Variants in AOPEP observed in about 807,000 individuals in gnomAD.
AOPEP encodes the protein aminopeptidase O (putative).
AOPEP carries 77 observed loss-of-function variants against 98.1 expected under a neutral mutation model. That is an observed-to-expected ratio of 0.78 (90% confidence interval 0.65 to 0.95). The LOEUF is 0.95. AOPEP is among the 40% of genes least tolerant of loss of function. The pLI, the probability that AOPEP is intolerant of heterozygous loss-of-function variation, is 0.00. For missense variants in AOPEP, 1,024 were observed against 1,024.7 expected (o/e 1.00, Z 0.01); for synonymous variants, 346 against 365.3 (o/e 0.95, Z 0.60).
chr9:94,992,071 C>A (rs1321019623), intron 11 of AOPEP, among the ~76,000 whole-genome samples: 1 of 152,240 alleles, frequency 6.6e-6, no homozygotes, highest in African/African-American at 2.4e-5. Context: ...TTCACAAGCA[C>A]ACTTCCAACC....
Position 95,086,836 on chromosome 9 carries a change from G to A in AOPEP, c.*159G>A, listed in dbSNP as rs981552879. The A allele has an allele frequency of 1.0e-6, 1 of 988,020 alleles. No homozygotes were observed. Among genetic ancestry groups the A allele is most frequent in the Non-Finnish European group, 1.2e-6 (1 of 830,150 alleles). The allele number at this position is 988,020 out of a possible 1,614,324, so 61.2% of individuals were successfully genotyped here. A position where few individuals can be genotyped will look rare whatever the true frequency, so the allele number is the denominator to read the frequency against. ...TTGGTGCTTCTCTTTCCCAGAGGCT[G>A]GTCCCAGCCAGGCACACACAAAAGG... On this transcript the variant is annotated 3_prime_UTR_variant, in exon 17 of 17. Transcript: ENST00000375315.
chr9:94,905,890 G>T (rs2051071936), intron 5 of AOPEP, among the ~76,000 whole-genome samples: 1 of 152,162 alleles, frequency 6.6e-6, no homozygotes, highest in African/African-American at 2.4e-5. Context: ...GAAGGGGCTG[G>T]GGGGAGGGGG....
At chr9:94,766,003 G>A (rs1246067105) in intron 2 of AOPEP, among the ~76,000 whole-genome samples, 1 of 152,076 alleles carries the variant, frequency 6.6e-6, no homozygotes, top group Non-Finnish European at 1.5e-5. Flanking sequence ...GTGGTACGCG[G>A]GTCTGTGTGC....
the AOPEP span, among the ~76,000 whole-genome samples, chr9:95,116,367 A>C: frequency 6.6e-6 from 1 of 152,236 alleles, no homozygotes; most frequent in African/African-American, 2.4e-5. Flanking sequence ...AGCATCTGAG[A>C]AGACAGTGTT....
intron 13 of AOPEP, among the ~76,000 whole-genome samples, chr9:95,025,792 T>A (rs2063791262): frequency 6.6e-6 from 1 of 152,200 alleles, no homozygotes; most frequent in Non-Finnish European, 1.5e-5. Flanking sequence ...TTAGCCTAGG[T>A]GTCTTGCTTG....
At chr9:94,985,064 C>A (rs999782816) in intron 11 of AOPEP, among the ~76,000 whole-genome samples, 2 of 152,262 alleles carry the variant, frequency 1.3e-5, no homozygotes, top group Non-Finnish European at 2.9e-5. Flanking sequence ...GTGAACCTCA[C>A]GTGTCTTCTG....
chr9:95,043,812 A>G (rs907252227), intron 13 of AOPEP, among the ~76,000 whole-genome samples: 8 of 152,158 alleles, frequency 5.3e-5, no homozygotes, highest in Admixed American at 5.2e-4. Context: ...CTACAGGCGC[A>G]TGCCACCATG....
intron 13 of AOPEP, among the ~76,000 whole-genome samples, chr9:95,034,337 T>A (rs1221776240): frequency 6.6e-6 from 1 of 152,228 alleles, no homozygotes; most frequent in Non-Finnish European, 1.5e-5. Flanking sequence ...TTAAGACGTG[T>A]TTTCTCCCAT....
intron 7 of AOPEP, chr9:94,934,518 C>T (rs2055947175): frequency 6.6e-6 from 1 of 152,040 alleles, no homozygotes; most frequent in African/African-American, 2.4e-5. Context: ...TAAACTGCTG[C>T]ACCCTCATCT....
At chr9:95,006,997 G>T (rs1247988822) in intron 13 of AOPEP, among the ~76,000 whole-genome samples, 1 of 150,648 alleles carries the variant, frequency 6.6e-6, no homozygotes. Context: ...GGCCTCCCAG[G>T]TTCAAGCTAT....
chr9:95,126,694 T>A, the AOPEP span: 5 of 1,090,072 alleles, frequency 4.6e-6, no homozygotes, highest in South Asian at 6.6e-5. Context: ...AAAACTGGCA[T>A]ACTCCTTTTG....
chr9:94,929,200 T>C (rs2054881991), intron 7 of AOPEP, among the ~76,000 whole-genome samples: 1 of 152,196 alleles, frequency 6.6e-6, no homozygotes, highest in African/African-American at 2.4e-5. Context: ...TCACCTCCCC[T>C]CCTCTTCCAC....
At chr9:95,091,923 G>T (rs2070872649), downstream of AOPEP, among the ~76,000 whole-genome samples, 1 of 152,202 alleles carries the variant, frequency 6.6e-6, no homozygotes, top group South Asian at 2.1e-4. Flanking sequence ...CCACTCTTGG[G>T]GCTGGGGGTG....
chr9:95,098,565 C>T, the AOPEP span, among the ~76,000 whole-genome samples: 1 of 152,116 alleles, frequency 6.6e-6, no homozygotes, highest in Non-Finnish European at 1.5e-5. Flanking sequence ...CTGGAAACCC[C>T]ACTGCAGTGG....
chr9:94,792,680 CT>C, intron 3 of AOPEP, 84 bp from the exon 4 acceptor site: 1 of 1,308,650 alleles, frequency 7.6e-7, no homozygotes, highest in Non-Finnish European at 1.0e-6. Flanking sequence ...CACAAAAGCT[CT>C]TCAAGTGCCT....
At chr9:94,887,529 CTACT>C (rs2048376546) in intron 5 of AOPEP, among the ~76,000 whole-genome samples, 1 of 152,090 alleles carries the variant, frequency 6.6e-6, no homozygotes, top group Non-Finnish European at 1.5e-5. Flanking sequence ...GGGGCTTCTA[CTACT>C]TACTTCTTAA....
intron 14 of AOPEP, among the ~76,000 whole-genome samples, chr9:95,061,292 A>G (rs1354062340): frequency 2.6e-5 from 4 of 152,258 alleles, no homozygotes; most frequent in Non-Finnish European, 5.9e-5. Flanking sequence ...AGTCCTTAAT[A>G]TCTTCTACCT....
intron 1 of AOPEP, among the ~76,000 whole-genome samples, chr9:94,728,585 G>T (rs1174420422): frequency 6.6e-6 from 1 of 152,160 alleles, no homozygotes; most frequent in Non-Finnish European, 1.5e-5. Context: ...GGAGGGTTTT[G>T]TTCATTTGTG....
At chr9:95,089,431 G>A (rs2070835640), downstream of AOPEP, among the ~76,000 whole-genome samples, 9 of 152,374 alleles carry the variant, frequency 5.9e-5, no homozygotes, top group South Asian at 1.7e-3. Flanking sequence ...AGAGCAGGAT[G>A]TGGGTGTGCT....
Sources: allele counts gnomAD v4.1 joint callset (sites outside exome capture counted in the v4.1 genomes callset), GRCh38; gene constraint gnomAD v4.1.1; transcripts MANE v1.5; gene names NCBI Gene and HGNC (gene_info 2026-07-23, HGNC 2026-07-21).